Variants in BID observed in about 807,000 individuals in gnomAD.
BID encodes the protein BH3 interacting domain death agonist, also known as BH3-interacting domain death agonist.
Under a neutral mutation model 17.4 loss-of-function variants are expected in BID, and 19 were observed. The ratio of observed to expected loss-of-function variants is 1.09; its 90% confidence interval spans 0.76 to 1.60. BID has a LOEUF of 1.60. BID is among the 40% of genes most tolerant of loss of function. The pLI is 0.00. For synonymous variants in BID, 108 were observed against 102.8 expected (o/e 1.05, Z -0.31); for missense variants, 226 against 256.0 (o/e 0.88, Z 0.80).
chr22:17,760,426 T>C (rs1601870504), intron 1 of BID, among the ~76,000 whole-genome samples: 1 of 116,038 alleles, frequency 8.6e-6, no homozygotes, highest in Non-Finnish European at 1.6e-5. Context: ...CACTCCAGCC[T>C]GGGTAACAGA....
At chr22:17,766,068 G>C (rs1273601458) in intron 1 of BID, among the ~76,000 whole-genome samples, 1 of 152,016 alleles carries the variant, frequency 6.6e-6, no homozygotes, top group Non-Finnish European at 1.5e-5. Flanking sequence ...CGGGACTACA[G>C]GCACAACCAC....
chr22:17,741,490 T>C (rs1425929344), intron 3 of BID, among the ~76,000 whole-genome samples: 3 of 152,030 alleles, frequency 2.0e-5, no homozygotes, highest in South Asian at 2.1e-4. Context: ...CTTTTTTTTT[T>C]CAAGACATAG....
chr22:17,768,948 A>G (rs1794671209), intron 1 of BID, among the ~76,000 whole-genome samples: 1 of 150,974 alleles, frequency 6.6e-6, no homozygotes, highest in East Asian at 2.0e-4. Context: ...AGGCTGAGAC[A>G]GGAGAATGGC....
chr22:17,737,191 C>T (rs1475233575), intron 5 of BID, among the ~76,000 whole-genome samples: 1 of 152,102 alleles, frequency 6.6e-6, no homozygotes, highest in Non-Finnish European at 1.5e-5. Flanking sequence ...CTCAAGCAAT[C>T]CCACTGCTTC....
In BID at chr22:17,741,797, C is replaced by T. The variant is rs1410331543; in HGVS notation, c.223+2006G>A. Among the ~76,000 whole-genome samples, 3 of 152,296 alleles carry T rather than the reference C, an allele frequency of 2.0e-5. No individual in the cohort carries two copies. In the East Asian group the frequency reaches 5.8e-4, roughly 29 times the overall value. On this transcript the variant is annotated intron_variant, in intron 3 of 5. Coordinates refer to ENST00000622694, the MANE Select transcript of BID (RefSeq NM_001196.4). ...AGCCTCACTGTAGCATTTATAGCCGCTGGGCTTTTGCTTAAAAGATGGCCA... is the reference window on the plus strand; with the variant it reads ...AGCCTCACTGTAGCATTTATAGCCGTTGGGCTTTTGCTTAAAAGATGGCCA...
intron 3 of BID, 76 bp downstream of exon 3, chr22:17,743,727 A>T (rs1054039008): frequency 5.7e-5 from 83 of 1,468,218 alleles, no homozygotes; most frequent in Middle Eastern, 2.5e-4. Context: ...GGTCCCTTCC[A>T]GCCCTGAGGC....
Position 17,750,169 on chromosome 22 carries a change from G to A in BID, c.-53C>T. 6.2e-7 allele frequency: 1 copy of A among 1,612,710 alleles called. No individual in the cohort carries two copies. On this transcript the variant is annotated 5_prime_UTR_variant, in exon 2 of 6. Transcript: ENST00000622694. Reference sequence around the variant, plus strand: ...CACTCCTGGTTCACAGTGTCCCAGTGGCGACCTGGAAAGGGACACACAGAG... The same window carrying A: ...CACTCCTGGTTCACAGTGTCCCAGTAGCGACCTGGAAAGGGACACACAGAG...
At chr22:17,744,967 T>C (rs180706012) in intron 2 of BID, among the ~76,000 whole-genome samples, 60 of 152,364 alleles carry the variant, frequency 3.9e-4, no homozygotes, top group Admixed American at 3.0e-3. Context: ...AGAAATTTAT[T>C]TCTATTCTCT....
Position 17,754,363 on chromosome 22 carries a change from G to A in BID, c.-58-4189C>T, listed in dbSNP as rs185280490. Among the ~76,000 whole-genome samples the A allele has an allele frequency of 5.2e-3, 797 of 152,366 alleles. 3 individuals are homozygous for A. Among genetic ancestry groups the A allele is most frequent in the South Asian group, 0.01 (50 of 4,830 alleles). ...CCCCTCCAATCCTCACCACGGCCTC[G>A]CCAGGAAGGCGCTTCTGCCCTGGTT... On this transcript the variant is annotated intron_variant, in intron 1 of 5. Transcript: ENST00000622694.
intron 3 of BID, chr22:17,740,532 C>G (rs555154792): frequency 4.7e-6 from 1 of 214,014 alleles, no homozygotes; most frequent in African/African-American, 2.3e-5. Context: ...TGGGTTCAAG[C>G]AAGTCTCATG....
chr22:17,749,942 C>G (rs1197152002), intron 2 of BID, among the ~76,000 whole-genome samples, 163 bp downstream of exon 2: 3 of 152,266 alleles, frequency 2.0e-5, no homozygotes, highest in African/African-American at 7.2e-5. Context: ...CGGCTCCCGC[C>G]TGCTTCAGTG....
chr22:17,744,122 G>T, intron 2 of BID, 109 bp from the exon 3 acceptor site: 1 of 1,005,624 alleles, frequency 9.9e-7, no homozygotes, highest in Non-Finnish European at 1.5e-6. Context: ...GTCCCAGAGA[G>T]CTGAGGGACC....
chr22:17,750,642 T>C (rs1296688), intron 1 of BID, among the ~76,000 whole-genome samples: 18,774 of 150,200 alleles, frequency 0.12, 1,609 homozygotes, highest in Non-Finnish European at 0.19. Flanking sequence ...CCCTGGCTAA[T>C]GCGGTGAAAC....
At chr22:17,746,947 C>T (rs2061498907) in intron 2 of BID, among the ~76,000 whole-genome samples, 2 of 152,208 alleles carry the variant, frequency 1.3e-5, no homozygotes, top group African/African-American at 4.8e-5. Context: ...AGCCGCTGCC[C>T]AAGGACTTCT....
intron 1 of BID, among the ~76,000 whole-genome samples, chr22:17,756,432 C>CTTCTTTCTTTCTTTCTTTCT (rs1555906073): frequency 4.3e-5 from 3 of 69,228 alleles, no homozygotes; most frequent in Non-Finnish European, 9.3e-5. Context: ...TTCTTTCTTT[C>CTTCTTTCTTTCTTTCTTTCT]TTCTTTCTTT....
At position 17,773,613 on chromosome 22, in the gene BID, ATCCGCACTGTGC is replaced by A. The variant is rs934127410; in HGVS notation, c.-59+756_-59+767del. On this transcript the variant is annotated intron_variant, in intron 1 of 5. Transcript: ENST00000622694. The surrounding 1 kb of genome is among the most constrained non-coding windows in gnomAD (Gnocchi z 4.4). ...GCCCAGCCCCCAGCCCACTTACAGAATCCGCACTGTGCTCCTCCAGCCGGCCCGGCCCCTCGC... is the reference window on the plus strand; with the variant it reads ...GCCCAGCCCCCAGCCCACTTACAGAATCCTCCAGCCGGCCCGGCCCCTCGC... 6.2e-7 allele frequency: 1 copy of A among 1,612,590 alleles called. No homozygotes were observed. The highest frequency in any genetic ancestry group is 1.3e-5 in the African/African-American group (1 of 75,022).
intron 5 of BID, among the ~76,000 whole-genome samples, chr22:17,736,181 C>CCGGG (rs1446745264): frequency 7.9e-5 from 12 of 152,154 alleles, no homozygotes; most frequent in Non-Finnish European, 1.8e-4. Context: ...AAACATTAGG[C>CCGGG]CGGGCGCAGT....
intron 3 of BID, chr22:17,740,003 T>G: frequency 1.4e-6 from 2 of 1,466,638 alleles, no homozygotes; most frequent in Non-Finnish European, 1.9e-6. Context: ...TCCCCTGCCT[T>G]TCCAACCAGA....
At chr22:17,764,680 G>A (rs2061665682) in intron 1 of BID, among the ~76,000 whole-genome samples, 1 of 152,234 alleles carries the variant, frequency 6.6e-6, no homozygotes, top group Non-Finnish European at 1.5e-5. Flanking sequence ...TATGAGGAAG[G>A]AGAGGCCCGG....
Sources: allele counts gnomAD v4.1 joint callset (sites outside exome capture counted in the v4.1 genomes callset), GRCh38; gene constraint gnomAD v4.1.1; non-coding constraint Gnocchi (gnomAD v3.1); transcripts MANE v1.5; gene names NCBI Gene and HGNC (gene_info 2026-07-23, HGNC 2026-07-21).